Variants in ATP8A2 observed in about 807,000 individuals in gnomAD.
The protein encoded by ATP8A2 is phospholipid-transporting ATPase IB.
A neutral mutation model predicts 165.6 loss-of-function variants in ATP8A2; 100 were observed. The observed-to-expected ratio is 0.60, with a 90% CI of 0.51 to 0.71. The LOEUF is 0.71. Ranked by LOEUF, ATP8A2 falls within the 30% of genes least tolerant of loss-of-function variation. ATP8A2 has a pLI of 0.00. For synonymous variants in ATP8A2, 543 were observed against 548.8 expected (o/e 0.99, Z 0.15); for missense variants, 1,227 against 1,479.5 (o/e 0.83, Z 2.80).
intron 2 of ATP8A2, 95 bp from the exon 3 acceptor site, chr13:25,529,904 A>G (rs1395445159): frequency 1.5e-6 from 1 of 669,258 alleles, no homozygotes; most frequent in African/African-American, 1.8e-5. Flanking sequence ...TTTTTTTTTA[A>G]ACCATTTGTA....
intron 1 of ATP8A2, among the ~76,000 whole-genome samples, chr13:25,456,582 C>G (rs557921202): frequency 2.0e-5 from 3 of 152,252 alleles, no homozygotes; most frequent in South Asian, 2.1e-4. Flanking sequence ...GGAGAGAAAG[C>G]CTGGGCTGTG....
intron 6 of ATP8A2, among the ~76,000 whole-genome samples, chr13:25,534,906 A>G (rs937623414): frequency 1.3e-5 from 2 of 152,194 alleles, no homozygotes; most frequent in African/African-American, 4.8e-5. Context: ...TTGCACATTT[A>G]AACAAATTAC....
chr13:25,459,217 A>G (rs1489454105), intron 1 of ATP8A2, among the ~76,000 whole-genome samples: 1 of 152,244 alleles, frequency 6.6e-6, no homozygotes, highest in Admixed American at 6.5e-5. Flanking sequence ...AAGACTGAAT[A>G]CCACTTACTT....
chr13:25,916,400 C>A (rs1324186957), intron 33 of ATP8A2, among the ~76,000 whole-genome samples: 7 of 152,176 alleles, frequency 4.6e-5, no homozygotes, highest in Admixed American at 6.5e-5. Flanking sequence ...TGGGGACATT[C>A]CAAAGAAGAC....
chr13:25,827,268 C>A (rs1951347077), intron 27 of ATP8A2, among the ~76,000 whole-genome samples: 1 of 152,120 alleles, frequency 6.6e-6, no homozygotes. Flanking sequence ...CGTGCCACCA[C>A]ACCCCGCTAA....
chr13:25,540,869 T>C (rs1008765078), intron 8 of ATP8A2, among the ~76,000 whole-genome samples: 2 of 151,472 alleles, frequency 1.3e-5, no homozygotes, highest in African/African-American at 2.4e-5. Context: ...TTTGGTTCTT[T>C]TTTTTTTTTT....
chr13:25,833,073 C>CT (rs34536382), intron 28 of ATP8A2, among the ~76,000 whole-genome samples: 24,790 of 148,834 alleles, frequency 0.17, 2,146 homozygotes, highest in Admixed American at 0.23. Flanking sequence ...CAATAAACAG[C>CT]TTTTTTTTTT....
At chr13:25,802,743 T>C (rs1369280935) in intron 27 of ATP8A2, among the ~76,000 whole-genome samples, 1 of 152,140 alleles carries the variant, frequency 6.6e-6, no homozygotes, top group Non-Finnish European at 1.5e-5. Context: ...CCTAACACGT[T>C]GAAACTCCTG....
At chr13:25,852,151 C>T (rs1421577778) in intron 30 of ATP8A2, among the ~76,000 whole-genome samples, 1 of 152,188 alleles carries the variant, frequency 6.6e-6, no homozygotes. Flanking sequence ...ACTCCACCTC[C>T]TCCTATTTCT....
intron 33 of ATP8A2, among the ~76,000 whole-genome samples, chr13:25,864,618 A>G (rs886121383): frequency 6.6e-6 from 1 of 152,244 alleles, no homozygotes; most frequent in Non-Finnish European, 1.5e-5. Context: ...ATTCAACCAC[A>G]TTGCATTTTT....
intron 33 of ATP8A2, among the ~76,000 whole-genome samples, chr13:25,894,416 AT>A (rs376077522): frequency 1.3e-5 from 2 of 152,112 alleles, no homozygotes; most frequent in Non-Finnish European, 2.9e-5. Context: ...TACCAGTACC[AT>A]TGCTGTTTTG....
chr13:25,839,584 C>T lies in ATP8A2; in HGVS notation c.2916C>T (p.Ser972=). The change falls in exon 30 of 37, where the codon TCC becomes TCT. Residue 972 remains serine (S), a synonymous_variant. Transcript: ENST00000381655. ...WGHCINALVH[S]LILFWFPMKA... Reference sequence around the variant, plus strand: ...ACTGCATCAACGCCTTGGTCCACTCCCTCATCCTCTTCTGGTTTCCCATGA... The same window carrying T: ...ACTGCATCAACGCCTTGGTCCACTCTCTCATCCTCTTCTGGTTTCCCATGA... 10 of 1,614,080 alleles carry T rather than the reference C, an allele frequency of 6.2e-6. No homozygotes were observed. Among genetic ancestry groups the T allele is most frequent in the Non-Finnish European group, 8.5e-6 (10 of 1,179,990 alleles).
rs1345812306 is a variant in ATP8A2 at position 25,543,378 on chromosome 13, T to C, written c.867T>C (p.Thr289=). 1.6e-5 allele frequency: 25 copies of C among 1,609,072 alleles called. No individual in the cohort carries two copies. The Admixed American group carries it at 4.0e-4, about 26-fold the overall frequency. The change falls in exon 10 of 37, where the codon ACT becomes ACC. Residue 289 remains threonine (T), a synonymous_variant. Transcript: ENST00000381655. ...TQWVFGIVVY[T]GHDTKLMQNS... ...GGGTCTTTGGCATAGTTGTTTATAC[T>C]GGACACGACACCAAACTCATGCAGG...
chr13:25,704,989 A>G (rs987533958), intron 25 of ATP8A2, among the ~76,000 whole-genome samples: 2 of 152,202 alleles, frequency 1.3e-5, no homozygotes, highest in African/African-American at 4.8e-5. Flanking sequence ...CATATTTTTC[A>G]ACTGTCTTAT....
chr13:25,629,405 G>A (rs1433161734), intron 24 of ATP8A2, among the ~76,000 whole-genome samples: 3 of 152,096 alleles, frequency 2.0e-5, no homozygotes, highest in African/African-American at 7.2e-5. Context: ...TGGTATGAAA[G>A]ATGAAAAAAT....
intron 25 of ATP8A2, among the ~76,000 whole-genome samples, chr13:25,749,262 C>G (rs971843340): frequency 1.3e-5 from 2 of 152,064 alleles, no homozygotes; most frequent in Non-Finnish European, 2.9e-5. Flanking sequence ...ATGGTGATTT[C>G]TGGGCATGGG....
intron 35 of ATP8A2, among the ~76,000 whole-genome samples, chr13:25,985,169 G>A (rs1199882616): frequency 6.6e-6 from 1 of 152,226 alleles, no homozygotes; most frequent in Non-Finnish European, 1.5e-5. Context: ...CTACTGGGTA[G>A]CTGTTTATTT....
intron 16 of ATP8A2, among the ~76,000 whole-genome samples, chr13:25,570,327 C>G (rs2039429579): frequency 6.6e-6 from 1 of 152,034 alleles, no homozygotes; most frequent in Admixed American, 6.6e-5. Context: ...GAGAGTGAGG[C>G]AGCAGCACGT....
At chr13:25,837,841 A>AG (rs1951658168) in intron 29 of ATP8A2, among the ~76,000 whole-genome samples, 1 of 152,216 alleles carries the variant, frequency 6.6e-6, no homozygotes. Context: ...CCAAAAAAAA[A>AG]TAAAAAAAAG....
Sources: allele counts gnomAD v4.1 joint callset (sites outside exome capture counted in the v4.1 genomes callset), GRCh38; gene constraint gnomAD v4.1.1; transcripts MANE v1.5; gene names NCBI Gene and HGNC (gene_info 2026-07-23, HGNC 2026-07-21).